Variants in ABTB3 observed in about 807,000 individuals in gnomAD.
ABTB3 encodes ankyrin repeat and BTB domain containing 3, also known as ankyrin repeat- and BTB/POZ domain-containing protein 3.
chr12:107,414,246 G>A, the ABTB3 span, among the ~76,000 whole-genome samples: 2 of 152,160 alleles, frequency 1.3e-5, no homozygotes, highest in African/African-American at 4.8e-5. Flanking sequence ...AGCATCAATT[G>A]TATTATCCTA....
chr12:107,519,057 A>C, the ABTB3 span, among the ~76,000 whole-genome samples: 1 of 152,158 alleles, frequency 6.6e-6, no homozygotes, highest in Non-Finnish European at 1.5e-5. Flanking sequence ...TTGTATCCTC[A>C]GTAGGATACT....
the ABTB3 span, among the ~76,000 whole-genome samples, chr12:107,569,163 C>T: frequency 1.3e-5 from 2 of 152,188 alleles, no homozygotes; most frequent in Admixed American, 6.5e-5. Context: ...AAAGCCACCA[C>T]CCAATGGCAA....
chr12:107,433,473 G>A, the ABTB3 span, among the ~76,000 whole-genome samples: 411 of 116,108 alleles, frequency 3.5e-3, 3 homozygotes, highest in Middle Eastern at 0.011. Flanking sequence ...TGCAGAGCTT[G>A]ACAAGCAAGG....
the ABTB3 span, among the ~76,000 whole-genome samples, chr12:107,379,518 G>C: frequency 6.6e-6 from 1 of 152,158 alleles, no homozygotes; most frequent in Non-Finnish European, 1.5e-5. Flanking sequence ...CACCATGATT[G>C]TGAGGCTTCC....
the ABTB3 span, chr12:107,650,973 A>G: frequency 6.6e-6 from 1 of 152,264 alleles, no homozygotes; most frequent in African/African-American, 2.4e-5. Context: ...AAGAGTTTTG[A>G]ATACAAAGCA....
At chr12:107,545,038 A>T in the ABTB3 span, among the ~76,000 whole-genome samples, 2,308 of 152,314 alleles carry the variant, frequency 0.015, 31 homozygotes, top group Non-Finnish European at 0.024. Flanking sequence ...ATAGCTGAAC[A>T]ACTCCCAACT....
At chr12:107,355,358 G>A in the ABTB3 span, among the ~76,000 whole-genome samples, 1 of 152,214 alleles carries the variant, frequency 6.6e-6, no homozygotes, top group African/African-American at 2.4e-5. Flanking sequence ...TGAGGCAGGT[G>A]GGGACTGGAC....
the ABTB3 span, among the ~76,000 whole-genome samples, chr12:107,361,432 T>A: frequency 6.6e-6 from 1 of 152,252 alleles, no homozygotes. Context: ...TGTTCACTTC[T>A]GTAATACTGG....
chr12:107,425,239 T>C, the ABTB3 span, among the ~76,000 whole-genome samples: 1 of 152,172 alleles, frequency 6.6e-6, no homozygotes, highest in Non-Finnish European at 1.5e-5. Context: ...TCCCTTTGTC[T>C]CCTGGATTGC....
chr12:107,484,411 T>C, the ABTB3 span, among the ~76,000 whole-genome samples: 1 of 151,030 alleles, frequency 6.6e-6, no homozygotes, highest in Non-Finnish European at 1.5e-5. Flanking sequence ...AAAGTAGGAG[T>C]TCAAAGAACA....
chr12:107,561,777 C>A, the ABTB3 span, among the ~76,000 whole-genome samples: 4 of 152,178 alleles, frequency 2.6e-5, no homozygotes, highest in Non-Finnish European at 4.4e-5. Flanking sequence ...CTTACTCCCC[C>A]CTCTTACTCC....
chr12:107,458,675 T>TAG, the ABTB3 span, among the ~76,000 whole-genome samples: 1 of 152,080 alleles, frequency 6.6e-6, no homozygotes, highest in African/African-American at 2.4e-5. Context: ...ACTTGAACCC[T>TAG]AGAAGCCTGG....
At chr12:107,421,468 T>G in the ABTB3 span, among the ~76,000 whole-genome samples, 1 of 152,290 alleles carries the variant, frequency 6.6e-6, no homozygotes, top group Admixed American at 6.5e-5. Flanking sequence ...AGAAAGAGAA[T>G]CTGCTTAGAC....
the ABTB3 span, among the ~76,000 whole-genome samples, chr12:107,423,800 C>A: frequency 1.3e-5 from 2 of 152,164 alleles, no homozygotes; most frequent in African/African-American, 4.8e-5. Flanking sequence ...AAGCCAGACT[C>A]ATTTAAAGAA....
chr12:107,504,380 A>AAC, the ABTB3 span, among the ~76,000 whole-genome samples: 4,414 of 150,982 alleles, frequency 0.029, 206 homozygotes, highest in African/African-American at 0.094. Context: ...CATGCCCGTA[A>AAC]ACACACACAC....
At chr12:107,404,179 A>AAAG in the ABTB3 span, among the ~76,000 whole-genome samples, 2 of 142,614 alleles carry the variant, frequency 1.4e-5, no homozygotes, top group Admixed American at 6.9e-5. Context: ...AAAAAAAAAA[A>AAAG]AAAAAAAAGG....
the ABTB3 span, among the ~76,000 whole-genome samples, chr12:107,365,136 A>G: frequency 6.6e-6 from 1 of 152,246 alleles, no homozygotes; most frequent in Admixed American, 6.5e-5. Context: ...AACCTTTCTT[A>G]GACTCGGTGA....
chr12:107,402,120 A>G, the ABTB3 span, among the ~76,000 whole-genome samples: 1 of 152,224 alleles, frequency 6.6e-6, no homozygotes, highest in Non-Finnish European at 1.5e-5. Context: ...TATTCAATAA[A>G]GTGAATAAAG....
the ABTB3 span, among the ~76,000 whole-genome samples, chr12:107,435,724 T>A: frequency 6.6e-6 from 1 of 152,234 alleles, no homozygotes; most frequent in South Asian, 2.1e-4. Flanking sequence ...TTTCCCTTGC[T>A]TTAAATGGTG....
Sources: allele counts gnomAD v4.1 joint callset (sites outside exome capture counted in the v4.1 genomes callset), GRCh38; gene constraint gnomAD v4.1.1; transcripts MANE v1.5; gene names NCBI Gene and HGNC (gene_info 2026-07-23, HGNC 2026-07-21).